The following VSIG10 variants were observed in gnomAD, a reference collection of about 807,000 sequenced individuals.
The protein encoded by VSIG10 is V-set and immunoglobulin domain-containing protein 10.
A neutral mutation model predicts 58.7 loss-of-function variants in VSIG10; 48 were observed. The observed-to-expected ratio is 0.82, with a 90% CI of 0.65 to 1.04. The LOEUF is 1.04. Ranked by LOEUF, VSIG10 falls within the 50% of genes least tolerant of loss-of-function variation. The probability of loss-of-function intolerance (pLI) is 0.00; values close to 1 mark genes in which losing one functional copy is unlikely to be tolerated. For synonymous variants in VSIG10, 260 were observed against 267.1 expected (o/e 0.97, Z 0.26); for missense variants, 628 against 670.0 (o/e 0.94, Z 0.69).
chr12:118,068,188 A>C (rs941388901), intron 8 of VSIG10, among the ~76,000 whole-genome samples, 189 bp downstream of exon 8: 7 of 104,540 alleles, frequency 6.7e-5, no homozygotes, highest in Non-Finnish European at 1.4e-4. Context: ...TGACCGGCTA[A>C]TTTTTCTTTT....
At position 118,097,935 on chromosome 12, in the gene VSIG10, TAAAC is replaced by T. The variant is rs563243200; in HGVS notation, c.80-2125_80-2122del. 2.5e-4 allele frequency among the ~76,000 whole-genome samples: 38 copies of T among 151,926 alleles called. 2 individuals are homozygous for T. The South Asian group carries it at 5.8e-3, about 23-fold the overall frequency. Reference sequence around the variant, plus strand: ...TGAAACTCTGTCTCAAATAAATAAATAAACAAACTACATGGTACAGACCCAAGTT... The same window carrying T: ...TGAAACTCTGTCTCAAATAAATAAATAAACTACATGGTACAGACCCAAGTT... On this transcript the variant is annotated intron_variant, in intron 1 of 8. Transcript: ENST00000359236.
chr12:118,074,117 C>G lies in VSIG10; in HGVS notation c.926-125G>C, dbSNP rs558220669. On this transcript the variant is annotated intron_variant, in intron 4 of 8. Coordinates refer to ENST00000359236, the MANE Select transcript of VSIG10 (RefSeq NM_019086.6). ...TTTGTTTTGAGATGGAGGTTTTGCT[C>G]TGTTGCCCAGGCTGGAGTGCAGTGG... is the stretch of plus-strand genomic sequence containing the variant. 5.4e-6 allele frequency: 6 copies of G among 1,112,864 alleles called. No homozygotes were observed. In the Middle Eastern group the frequency reaches 8.5e-4, roughly 157 times the overall value. The allele number at this position is 1,112,864 out of a possible 1,614,324, so 68.9% of individuals were successfully genotyped here. A position where few individuals can be genotyped will look rare whatever the true frequency, so the allele number is the denominator to read the frequency against.
chr12:118,072,768 CGA>C (rs2032550601), intron 5 of VSIG10, among the ~76,000 whole-genome samples: 1 of 152,050 alleles, frequency 6.6e-6, no homozygotes, highest in Non-Finnish European at 1.5e-5. Context: ...GGTTACCTTT[CGA>C]GAGAGGCCCA....
intron 4 of VSIG10, among the ~76,000 whole-genome samples, 183 bp downstream of exon 4, chr12:118,079,163 G>C (rs2032847415): frequency 1.3e-5 from 2 of 151,998 alleles, no homozygotes; most frequent in Non-Finnish European, 2.9e-5. Flanking sequence ...GAAGAAGCTT[G>C]AGCTAAGCAT....
intron 7 of VSIG10, among the ~76,000 whole-genome samples, chr12:118,069,503 G>T (rs753476796): frequency 7.1e-6 from 1 of 140,056 alleles, no homozygotes; most frequent in African/African-American, 2.7e-5. Flanking sequence ...ATGGCTCACC[G>T]CAACCTCTGC....
In VSIG10 at chr12:118,065,388, T is replaced by C. The variant is rs1342198203; in HGVS notation, c.*1251A>G. 5.3e-5 allele frequency: 8 copies of C among 152,346 alleles called. No homozygotes were observed. The highest frequency in any genetic ancestry group is 3.3e-4 in the Admixed American group (5 of 15,296). The allele number at this position is 152,346 out of a possible 1,614,324, so 9.4% of individuals were successfully genotyped here. A position where few individuals can be genotyped will look rare whatever the true frequency, so the allele number is the denominator to read the frequency against. ...TATATAAATATGAAGCTCTGCAAAA[T>C]GTAGTTATAATGAAAGGCACTTCCT... On this transcript the variant is annotated 3_prime_UTR_variant, in exon 9 of 9. Transcript: ENST00000359236.
At chr12:118,085,293 C>T (rs1203130594) in intron 2 of VSIG10, among the ~76,000 whole-genome samples, 1 of 152,180 alleles carries the variant, frequency 6.6e-6, no homozygotes. Context: ...GGACTGAAGG[C>T]CACATCACTG....
chr12:118,093,639 G>A lies in VSIG10; in HGVS notation c.361+1894C>T, dbSNP rs1253793937. On this transcript the variant is annotated intron_variant, in intron 2 of 8. Transcript: ENST00000359236. The stretch of plus-strand genomic sequence containing the variant: ...AAGAGTGCTCACTATAGCTGGACAC[G>A]GTGGCTCATGCTTGTAATCCCAGTA... Among the ~76,000 whole-genome samples, 6 of 152,032 alleles carry A rather than the reference G, an allele frequency of 3.9e-5. No homozygotes were observed. In the East Asian group the frequency reaches 5.8e-4, roughly 15 times the overall value.
rs1374709933 is a variant in VSIG10 at position 118,064,064 on chromosome 12, ATT to A, written c.*2573_*2574del. On this transcript the variant is annotated 3_prime_UTR_variant, in exon 9 of 9. Coordinates refer to ENST00000359236, the MANE Select transcript of VSIG10 (RefSeq NM_019086.6). ...TAAGTTAACAATACATGCAGATAAG[ATT>A]TTTTTTAAAGCACAGTGTAACAACT... is the stretch of plus-strand genomic sequence containing the variant. The A allele has an allele frequency of 9.9e-5, 15 of 152,244 alleles. No homozygotes were observed. Among genetic ancestry groups the A allele is most frequent in the African/African-American group, 3.6e-4 (15 of 41,526 alleles). The allele number at this position is 152,244 out of a possible 1,614,324, so 9.4% of individuals were successfully genotyped here.
chr12:118,075,186 ATATATATATGTGTGTGTGTG>A (rs1429047548), intron 4 of VSIG10, among the ~76,000 whole-genome samples: 885 of 32,850 alleles, frequency 0.027, 6 homozygotes, highest in African/African-American at 0.058. Context: ...ATATGTGTGT[ATATATATATGTGTGTGTGTG>A]TATATATGTG....
intron 2 of VSIG10, among the ~76,000 whole-genome samples, chr12:118,092,451 A>G (rs2033325909): frequency 6.6e-6 from 1 of 152,168 alleles, no homozygotes; most frequent in African/African-American, 2.4e-5. Flanking sequence ...CTCTCTCTGT[A>G]AAGGGCCAGA....
intron 8 of VSIG10, among the ~76,000 whole-genome samples, 183 bp downstream of exon 8, chr12:118,068,194 C>CTTTTTTTT (rs71069404): frequency 4.0e-5 from 4 of 100,292 alleles, no homozygotes; most frequent in African/African-American, 3.9e-5. Context: ...GCTAATTTTT[C>CTTTTTTTT]TTTTTTTTTT....
At chr12:118,080,058 G>A (rs1174898468) in intron 3 of VSIG10, among the ~76,000 whole-genome samples, 2 of 152,130 alleles carry the variant, frequency 1.3e-5, no homozygotes, top group Non-Finnish European at 2.9e-5. Flanking sequence ...GCTCTTGAAC[G>A]CCTGACTTCA....
chr12:118,069,493 A>G (rs532327416), intron 7 of VSIG10, among the ~76,000 whole-genome samples: 1 of 136,850 alleles, frequency 7.3e-6, no homozygotes, highest in East Asian at 2.2e-4. Flanking sequence ...TGGCACAATC[A>G]TGGCTCACCG....
intron 2 of VSIG10, among the ~76,000 whole-genome samples, chr12:118,094,810 C>G (rs1439635692): frequency 6.6e-6 from 1 of 151,736 alleles, no homozygotes; most frequent in East Asian, 1.9e-4. Flanking sequence ...GATCTTGGCT[C>G]ACTGCAACCT....
chr12:118,079,048 A>G (rs1211891581), intron 4 of VSIG10, among the ~76,000 whole-genome samples: 4 of 151,814 alleles, frequency 2.6e-5, no homozygotes, highest in Non-Finnish European at 5.9e-5. Context: ...GATGAACCTC[A>G]TATGTCTTGT....
intron 2 of VSIG10, among the ~76,000 whole-genome samples, chr12:118,089,248 C>T (rs2033224982): frequency 6.6e-6 from 1 of 152,154 alleles, no homozygotes; most frequent in Non-Finnish European, 1.5e-5. Flanking sequence ...TGCACCCAGC[C>T]ATGAGTTCAG....
intron 4 of VSIG10, among the ~76,000 whole-genome samples, chr12:118,075,891 C>T (rs1465002979): frequency 6.6e-6 from 1 of 151,860 alleles, no homozygotes; most frequent in African/African-American, 2.4e-5. Context: ...TGATCAACTG[C>T]CCCAGTCTGC....
chr12:118,095,889 G>A, intron 1 of VSIG10, 75 bp from the exon 2 acceptor site: 1 of 1,195,116 alleles, frequency 8.4e-7, no homozygotes, highest in South Asian at 1.6e-5. Flanking sequence ...CAGTACTCCT[G>A]TATTAGGATT....
Sources: allele counts gnomAD v4.1 joint callset (sites outside exome capture counted in the v4.1 genomes callset), GRCh38; gene constraint gnomAD v4.1.1; transcripts MANE v1.5; gene names NCBI Gene and HGNC (gene_info 2026-07-23, HGNC 2026-07-21).